The following KCNT1 variants were observed in gnomAD, a reference collection of about 807,000 sequenced individuals.
KCNT1 encodes the protein potassium sodium-activated channel subfamily T member 1.
KCNT1 carries 78 observed loss-of-function variants against 147.8 expected under a neutral mutation model. That is an observed-to-expected ratio of 0.53 (90% CI 0.44 to 0.64). KCNT1 has a LOEUF of 0.64. KCNT1 is among the 30% of genes least tolerant of loss of function. The pLI, the probability that KCNT1 is intolerant of heterozygous loss-of-function variation, is 0.00. For synonymous variants in KCNT1, 867 were observed against 748.8 expected, an observed-to-expected ratio of 1.16 and a Z score of -2.58; for missense variants, 1,419 against 1,750.3, an observed-to-expected ratio of 0.81 and a Z score of 3.38.
intron 13 of KCNT1, among the ~76,000 whole-genome samples, chr9:135,767,842 G>A (rs1047017012): frequency 6.6e-6 from 1 of 152,040 alleles, no homozygotes; most frequent in Non-Finnish European, 1.5e-5. Flanking sequence ...AACAGGGCCT[G>A]GGGGAGGAAG....
intron 6 of KCNT1, among the ~76,000 whole-genome samples, chr9:135,756,318 T>C (rs11103167): frequency 0.065 from 9,876 of 152,202 alleles, 631 homozygotes; most frequent in East Asian, 0.32. Flanking sequence ...CTCCCTCCAC[T>C]GACCCATCTG....
intron 2 of KCNT1, among the ~76,000 whole-genome samples, chr9:135,719,550 C>A (rs1835845251): frequency 6.6e-6 from 1 of 152,134 alleles, no homozygotes; most frequent in Admixed American, 6.5e-5. Flanking sequence ...CAGGCAGCCA[C>A]CCCCCGCCAT....
rs186831806 is a variant in KCNT1 at position 135,746,410 on chromosome 9, G to A, written c.255-3688G>A. ...CTGGGGTGCCAGGAGGAGGTCAAGG[G>A]GCCTCAAAGAGAAGCTGCTGGGGGC... is the stretch of plus-strand genomic sequence containing the variant. On this transcript the variant is annotated intron_variant, in intron 2 of 30. Transcript: ENST00000371757. 3.7e-3 allele frequency among the ~76,000 whole-genome samples: 561 copies of A among 152,298 alleles called. 2 individuals carry two copies. The highest frequency in any genetic ancestry group is 0.013 in the African/African-American group (543 of 41,566).
At chr9:135,738,669 C>T (rs1830438990) in intron 2 of KCNT1, among the ~76,000 whole-genome samples, 1 of 152,152 alleles carries the variant, frequency 6.6e-6, no homozygotes, top group Non-Finnish European at 1.5e-5. Context: ...GGGACTGAGC[C>T]ACAGGAGGCG....
chr9:135,749,898 T>C lies in KCNT1; in HGVS notation c.255-200T>C, dbSNP rs1390902341. ...GAGGAATCTTCAGAGGAGCCGAGGC[T>C]GGGTCGGCTGTCTGCTGGGTGTGAC... On this transcript the variant is annotated intron_variant, in intron 2 of 30. Coordinates refer to ENST00000371757, the MANE Select transcript of KCNT1 (RefSeq NM_020822.3). Among the ~76,000 whole-genome samples the C allele has an allele frequency of 4.6e-5, 7 of 152,044 alleles. No individual in the cohort carries two copies. In the East Asian group the frequency reaches 1.4e-3, roughly 29 times the overall value.
chr9:135,760,801 C>T (rs1831863411), intron 11 of KCNT1, among the ~76,000 whole-genome samples: 1 of 152,230 alleles, frequency 6.6e-6, no homozygotes, highest in Admixed American at 6.5e-5. Flanking sequence ...TCAGATGGGG[C>T]CGTGCGCGTC....
At chr9:135,753,735 C>A (rs1008833484) in intron 4 of KCNT1, 8 of 607,834 alleles carry the variant, frequency 1.3e-5, no homozygotes, top group Non-Finnish European at 2.1e-5. Context: ...AGTTAGAGGC[C>A]CTCCTGCAGG....
At chr9:135,732,294 C>T (rs1401499033) in intron 2 of KCNT1, among the ~76,000 whole-genome samples, 2 of 152,036 alleles carry the variant, frequency 1.3e-5, no homozygotes, top group Non-Finnish European at 2.9e-5. Flanking sequence ...GCTGGGATTA[C>T]AGGCATGAGC....
At chr9:135,740,628 C>A (rs542199746) in intron 2 of KCNT1, among the ~76,000 whole-genome samples, 133 of 152,378 alleles carry the variant, frequency 8.7e-4, no homozygotes, top group African/African-American at 3.0e-3. Flanking sequence ...CTGACCACTG[C>A]TGCCCTAAGC....
chr9:135,736,929 C>T (rs957116833), intron 2 of KCNT1: 56 of 295,818 alleles, frequency 1.9e-4, no homozygotes, highest in Admixed American at 1.6e-3. Flanking sequence ...CCCACCACAG[C>T]GCCCTGCTTC....
chr9:135,755,214 G>C, intron 6 of KCNT1, 45 bp downstream of exon 6: 2 of 1,564,552 alleles, frequency 1.3e-6, no homozygotes, highest in Admixed American at 3.8e-5. Flanking sequence ...GTGGTGCTCA[G>C]TAAGCACTGA....
At chr9:135,776,274 T>A (rs959094092) in intron 20 of KCNT1, among the ~76,000 whole-genome samples, 1 of 152,048 alleles carries the variant, frequency 6.6e-6, no homozygotes, top group Non-Finnish European at 1.5e-5. Flanking sequence ...TTGGTTTTTT[T>A]TAAGACGGGG....
intron 11 of KCNT1, among the ~76,000 whole-genome samples, chr9:135,763,871 T>C (rs1832078584): frequency 6.6e-6 from 1 of 151,888 alleles, no homozygotes; most frequent in Non-Finnish European, 1.5e-5. Flanking sequence ...CATGCAGCCA[T>C]CTTGTAGGTG....
intron 29 of KCNT1, among the ~76,000 whole-genome samples, chr9:135,787,410 T>G (rs1834146398): frequency 6.6e-6 from 1 of 152,208 alleles, no homozygotes; most frequent in Admixed American, 6.5e-5. Context: ...CACCCACCCC[T>G]GAGCCGGGTC....
chr9:135,785,507 ACACT>A lies in KCNT1; in HGVS notation c.3177+183_3177+186del, dbSNP rs759113726. 3.1e-4 allele frequency: 237 copies of A among 776,226 alleles called. 4 individuals are homozygous for A. The highest frequency in any genetic ancestry group is 2.6e-3 in the South Asian group (168 of 64,020). The allele number at this position is 776,226 out of a possible 1,614,324, so 48.1% of individuals were successfully genotyped here. A position where few individuals can be genotyped will look rare whatever the true frequency, so the allele number is the denominator to read the frequency against. On this transcript the variant is annotated intron_variant, in intron 28 of 30. Transcript: ENST00000371757. ...CAGCACGGCTCAGAGAAGGCTGTTG[ACACT>A]CACTCCCTCCTGCACTGGTGGTGGG... is the stretch of plus-strand genomic sequence containing the variant.
intron 2 of KCNT1, among the ~76,000 whole-genome samples, chr9:135,723,124 G>A (rs1025454881): frequency 5.3e-5 from 8 of 152,226 alleles, no homozygotes; most frequent in Non-Finnish European, 1.2e-4. Flanking sequence ...CACTGCCTGT[G>A]CCTCCCCAGC....
At chr9:135,727,991 A>G (rs1836287733) in intron 2 of KCNT1, among the ~76,000 whole-genome samples, 2 of 152,290 alleles carry the variant, frequency 1.3e-5, no homozygotes, top group Non-Finnish European at 2.9e-5. Context: ...AAAGAGGGTT[A>G]AAATGGCAAT....
chr9:135,758,242 T>C (rs1212114677), intron 9 of KCNT1, among the ~76,000 whole-genome samples, 172 bp from the exon 10 acceptor site: 2 of 146,446 alleles, frequency 1.4e-5, no homozygotes, highest in African/African-American at 5.1e-5. Flanking sequence ...GGCTGCCCCA[T>C]GGGCCTCAGC....
intron 2 of KCNT1, among the ~76,000 whole-genome samples, chr9:135,739,196 C>T (rs957814461): frequency 3.9e-5 from 6 of 152,120 alleles, no homozygotes; most frequent in African/African-American, 1.2e-4. Flanking sequence ...ACCTGGACTG[C>T]GTGTTCTGCC....
Sources: allele counts gnomAD v4.1 joint callset (sites outside exome capture counted in the v4.1 genomes callset), GRCh38; gene constraint gnomAD v4.1.1; transcripts MANE v1.5; gene names NCBI Gene and HGNC (gene_info 2026-07-23, HGNC 2026-07-21).